Variants in UNC13C observed in about 807,000 individuals in gnomAD.
UNC13C encodes protein unc-13 homolog C.
Under a neutral mutation model 245.4 loss-of-function variants are expected in UNC13C, and 174 were observed. The observed-to-expected ratio is 0.71, with a 90% CI of 0.63 to 0.80. The LOEUF is 0.80. Among genes scored for constraint, UNC13C ranks in the 30% least tolerant of loss-of-function variants. UNC13C has a pLI of 0.00. For synonymous variants in UNC13C, 992 were observed against 895.1 expected, an observed-to-expected ratio of 1.11 and a Z score of -1.93; for missense variants, 2,829 against 2,602.9, an observed-to-expected ratio of 1.09 and a Z score of -1.89.
At chr15:54,341,257 A>G (rs987772638) in intron 17 of UNC13C, among the ~76,000 whole-genome samples, 5 of 152,210 alleles carry the variant, frequency 3.3e-5, no homozygotes, top group Admixed American at 2.6e-4. Flanking sequence ...TATGCACACC[A>G]TGGTATACTA....
rs978911748 is a variant in UNC13C, at chr15:54,487,177, G to T, written c.4934-7431G>T. The stretch of plus-strand genomic sequence containing the variant: ...TATGTCCAACCTCACATCATTCCTG[G>T]TTTAATGAACCCAGGGATCCTGGAT... On this transcript the variant is annotated intron_variant, in intron 19 of 32. Coordinates refer to ENST00000260323, the MANE Select transcript of UNC13C (RefSeq NM_001080534.3). Among the ~76,000 whole-genome samples the T allele has an allele frequency of 2.2e-4, 34 of 152,072 alleles. 1 individual carries two copies. The highest frequency in any genetic ancestry group is 3.2e-3 in the Middle Eastern group (1 of 314).
chr15:54,505,112 C>G (rs904110493), intron 22 of UNC13C, among the ~76,000 whole-genome samples: 14 of 152,156 alleles, frequency 9.2e-5, no homozygotes, highest in African/African-American at 3.4e-4. Flanking sequence ...AAAGAGCCCT[C>G]TACTCCTCAT....
intron 7 of UNC13C, among the ~76,000 whole-genome samples, chr15:54,239,562 G>C (rs894332292): frequency 1.3e-5 from 2 of 152,082 alleles, no homozygotes; most frequent in African/African-American, 4.8e-5. Context: ...ATGATCCTCT[G>C]GCCTCTGCCT....
At chr15:54,232,843 T>TC (rs912199530) in intron 4 of UNC13C, among the ~76,000 whole-genome samples, 1 of 152,160 alleles carries the variant, frequency 6.6e-6, no homozygotes, top group African/African-American at 2.4e-5. Context: ...GATAGCCTAA[T>TC]ATTGGAGCAC....
chr15:54,496,230 A>G (rs1893943202), intron 20 of UNC13C, among the ~76,000 whole-genome samples: 1 of 152,136 alleles, frequency 6.6e-6, no homozygotes, highest in African/African-American at 2.4e-5. Context: ...AAATACAATA[A>G]AATTATAGTC....
At chr15:54,289,965 GA>G (rs1430336666) in intron 10 of UNC13C, among the ~76,000 whole-genome samples, 1 of 152,054 alleles carries the variant, frequency 6.6e-6, no homozygotes, top group Admixed American at 6.6e-5. Flanking sequence ...GCAATACAAG[GA>G]GGGATCTAGT....
At chr15:54,556,228 C>G (rs1346445696) in intron 29 of UNC13C, among the ~76,000 whole-genome samples, 1 of 152,004 alleles carries the variant, frequency 6.6e-6, no homozygotes, top group Non-Finnish European at 1.5e-5. Flanking sequence ...TTACTCTTCA[C>G]TGGGGGAAAC....
chr15:53,855,484 G>A, the UNC13C span, among the ~76,000 whole-genome samples: 1 of 152,082 alleles, frequency 6.6e-6, no homozygotes, highest in East Asian at 1.9e-4. Context: ...TACCTAGTTA[G>A]TTAAGAGTTT....
chr15:54,603,681 G>A (rs945829164), intron 30 of UNC13C, among the ~76,000 whole-genome samples: 1 of 152,104 alleles, frequency 6.6e-6, no homozygotes, highest in Non-Finnish European at 1.5e-5. Context: ...GGGCAACATG[G>A]TGAAACCCCC....
chr15:54,420,356 C>G (rs1445907632), intron 19 of UNC13C, among the ~76,000 whole-genome samples: 1 of 151,986 alleles, frequency 6.6e-6, no homozygotes, highest in African/African-American at 2.4e-5. Context: ...TTGACCATCT[C>G]CAAGATACAG....
the UNC13C span, among the ~76,000 whole-genome samples, chr15:53,838,082 A>G: frequency 3.9e-5 from 6 of 152,154 alleles, no homozygotes; most frequent in African/African-American, 1.4e-4. Flanking sequence ...AAAGTTCTAT[A>G]AAACTTTTAA....
intron 4 of UNC13C, among the ~76,000 whole-genome samples, chr15:54,148,788 C>G (rs971429008): frequency 1.3e-5 from 2 of 152,194 alleles, no homozygotes; most frequent in African/African-American, 4.8e-5. Context: ...TGGGCTGTTT[C>G]GACTGCCCTT....
intron 1 of UNC13C, among the ~76,000 whole-genome samples, chr15:53,983,195 G>A (rs1893994880): frequency 6.6e-6 from 1 of 152,118 alleles, no homozygotes; most frequent in African/African-American, 2.4e-5. Context: ...ATACTTAGCT[G>A]CTAACTTTTT....
At chr15:54,355,538 A>G (rs1393170041) in intron 17 of UNC13C, among the ~76,000 whole-genome samples, 1 of 151,900 alleles carries the variant, frequency 6.6e-6, no homozygotes, top group Non-Finnish European at 1.5e-5. Flanking sequence ...TTGTATTTTT[A>G]GTAGAGACGG....
intron 2 of UNC13C, among the ~76,000 whole-genome samples, chr15:54,017,276 T>C (rs1895703664): frequency 6.6e-6 from 1 of 152,150 alleles, no homozygotes; most frequent in Non-Finnish European, 1.5e-5. Flanking sequence ...GATTTAAGAG[T>C]GAAAAGTAGT....
At chr15:54,365,415 TA>T (rs1343514778) in intron 17 of UNC13C, among the ~76,000 whole-genome samples, 1 of 152,118 alleles carries the variant, frequency 6.6e-6, no homozygotes, top group Non-Finnish European at 1.5e-5. Context: ...TTGATATATT[TA>T]AAAACTGTAC....
At chr15:54,401,613 G>A (rs140494029) in intron 18 of UNC13C, among the ~76,000 whole-genome samples, 33 of 152,128 alleles carry the variant, frequency 2.2e-4, no homozygotes, top group Non-Finnish European at 3.8e-4. Flanking sequence ...CGAAGATCGC[G>A]TCGAGAGAGA....
intron 19 of UNC13C, among the ~76,000 whole-genome samples, chr15:54,444,306 A>T (rs1890686528): frequency 6.7e-6 from 1 of 149,378 alleles, no homozygotes; most frequent in African/African-American, 2.5e-5. Flanking sequence ...AATATATGTC[A>T]TATATATACA....
At chr15:54,030,977 G>A (rs903242837) in intron 2 of UNC13C, among the ~76,000 whole-genome samples, 1 of 151,946 alleles carries the variant, frequency 6.6e-6, no homozygotes, top group African/African-American at 2.4e-5. Context: ...TCAAACCATA[G>A]TACACCTCTT....
Sources: allele counts gnomAD v4.1 joint callset (sites outside exome capture counted in the v4.1 genomes callset), GRCh38; gene constraint gnomAD v4.1.1; transcripts MANE v1.5; gene names NCBI Gene and HGNC (gene_info 2026-07-23, HGNC 2026-07-21).